RBFOX1: variants seen among roughly 807,000 people sequenced by gnomAD.
RBFOX1 encodes the protein RNA binding protein fox-1 homolog 1.
In RBFOX1, 8 loss-of-function variants were observed where a neutral mutation model predicts 57.7. The ratio of observed to expected loss-of-function variants is 0.14; its 90% CI spans 0.08 to 0.25. The LOEUF (loss-of-function observed/expected upper bound fraction) is 0.25. Ranked by LOEUF, RBFOX1 falls within the 10% of genes least tolerant of loss-of-function variation. RBFOX1 has a pLI of 1.00. For missense variants in RBFOX1, 611 were observed against 548.5 expected, an observed-to-expected ratio of 1.11 and a Z score of -1.14; for synonymous variants, 326 against 222.4, an observed-to-expected ratio of 1.47 and a Z score of -4.15.
chr16:6,115,370 G>C (rs894586224), intron 1 of RBFOX1, among the ~76,000 whole-genome samples: 2 of 151,682 alleles, frequency 1.3e-5, no homozygotes, highest in African/African-American at 4.8e-5. Context: ...TTTTTCCAGA[G>C]AAAAGGCAAA....
rs1400604214 is a variant in RBFOX1, at chr16:6,581,327, C to T, written c.-63-73276C>T. ...CGATGATCCCTGTGAAGCATGAACC[C>T]AGCACCCTTGCCTTCCTCTTTGTTG... On this transcript the variant is annotated intron_variant, in intron 2 of 15. Transcript: ENST00000550418. Among the ~76,000 whole-genome samples, 4 of 152,316 alleles carry T rather than the reference C, an allele frequency of 2.6e-5. No individual in the cohort carries two copies. The East Asian group carries it at 7.7e-4, about 30-fold the overall frequency.
At chr16:7,164,894 G>A (rs1420312896) in intron 4 of RBFOX1, among the ~76,000 whole-genome samples, 1 of 152,172 alleles carries the variant, frequency 6.6e-6, no homozygotes, top group South Asian at 2.1e-4. Context: ...ATAAGAGAAT[G>A]AATTGTTTGC....
intron 2 of RBFOX1, among the ~76,000 whole-genome samples, chr16:6,535,027 G>C (rs1458394236): frequency 6.6e-6 from 1 of 152,162 alleles, no homozygotes; most frequent in Non-Finnish European, 1.5e-5. Context: ...TCATGACACA[G>C]GTCTGCTACA....
chr16:6,986,279 C>T (rs1432468385), intron 3 of RBFOX1, among the ~76,000 whole-genome samples: 1 of 151,978 alleles, frequency 6.6e-6, no homozygotes, highest in Non-Finnish European at 1.5e-5. Context: ...TGGCTCACTG[C>T]AACCTGTGCC....
rs918026044 is a variant in RBFOX1 at position 5,274,669 on chromosome 16, C to T, written c.219+34564C>T. 2.0e-5 allele frequency among the ~76,000 whole-genome samples: 3 copies of T among 152,210 alleles called. No homozygotes were observed. In the East Asian group the frequency reaches 5.8e-4, roughly 29 times the overall value. On this transcript the variant is annotated intron_variant, in intron 1 of 2. Coordinates refer to the RBFOX1 transcript ENST00000585867. The stretch of plus-strand genomic sequence containing the variant: ...GACTGAGGAAATGCTGACTGTATTT[C>T]TGCCATGTTCACTTATTAGTGGATG...
At chr16:5,710,377 T>G (rs1453599520) in intron 3 of RBFOX1, among the ~76,000 whole-genome samples, 1 of 152,192 alleles carries the variant, frequency 6.6e-6, no homozygotes, top group Non-Finnish European at 1.5e-5. Flanking sequence ...GCTAGTGCCA[T>G]TGACATGGGT....
intron 1 of RBFOX1, among the ~76,000 whole-genome samples, chr16:6,177,360 C>G (rs1461108579): frequency 1.3e-5 from 2 of 151,972 alleles, no homozygotes; most frequent in Non-Finnish European, 2.9e-5. Context: ...AATAATGTAT[C>G]AGTTTACTTA....
At chr16:5,823,254 T>C (rs759157700) in intron 3 of RBFOX1, among the ~76,000 whole-genome samples, 2 of 152,160 alleles carry the variant, frequency 1.3e-5, no homozygotes, top group African/African-American at 2.4e-5. Flanking sequence ...TACACATAGT[T>C]GGTACTTGAT....
At chr16:6,594,944 A>G (rs1031869384) in intron 2 of RBFOX1, among the ~76,000 whole-genome samples, 22 of 152,184 alleles carry the variant, frequency 1.4e-4, no homozygotes, top group African/African-American at 4.6e-4. Context: ...GCGTGCCACC[A>G]CACCGGGCTA....
In RBFOX1 at chr16:7,711,217, T is replaced by A. The variant is rs2083956464; in HGVS notation, c.*472T>A. ...GGGCTTAGGGGATTGGAACTGGGGT[T>A]TGGCTGAAAGAAAAAAAAAAAAATG... is the stretch of plus-strand genomic sequence containing the variant. On this transcript the variant is annotated 3_prime_UTR_variant, in exon 16 of 16. Transcript: ENST00000550418. 7.7e-6 allele frequency: 1 copy of A among 130,462 alleles called. No individual in the cohort carries two copies. The highest frequency in any genetic ancestry group is 8.3e-5 in the Admixed American group (1 of 12,104). The allele number at this position is 130,462 out of a possible 1,614,324, so 8.1% of individuals were successfully genotyped here.
intron 1 of RBFOX1, among the ~76,000 whole-genome samples, chr16:6,163,953 A>G (rs2096897680): frequency 6.6e-6 from 1 of 152,230 alleles, no homozygotes; most frequent in African/African-American, 2.4e-5. Flanking sequence ...TATGGGATAC[A>G]TATAGTAAGG....
At chr16:6,814,764 C>T (rs916792502) in intron 3 of RBFOX1, among the ~76,000 whole-genome samples, 2 of 151,828 alleles carry the variant, frequency 1.3e-5, no homozygotes, top group Non-Finnish European at 2.9e-5. Flanking sequence ...AGAGGTGGGG[C>T]TAGAGTTGAG....
intron 3 of RBFOX1, among the ~76,000 whole-genome samples, chr16:5,800,456 C>G (rs567865093): frequency 5.9e-5 from 9 of 152,122 alleles, no homozygotes; most frequent in South Asian, 4.1e-4. Context: ...ACCCCCAGCA[C>G]GCCCTTGAGC....
chr16:6,819,514 A>C (rs1050243463), intron 3 of RBFOX1, among the ~76,000 whole-genome samples: 2 of 151,844 alleles, frequency 1.3e-5, no homozygotes, highest in Non-Finnish European at 2.9e-5. Context: ...GACCAGCCTG[A>C]CCAGCATGGA....
chr16:5,962,197 A>G (rs1461397764), intron 4 of RBFOX1, among the ~76,000 whole-genome samples: 1 of 152,220 alleles, frequency 6.6e-6, no homozygotes, highest in African/African-American at 2.4e-5. Context: ...TGGTCAAAAC[A>G]TAGTCACATT....
chr16:7,563,105 T>C (rs1223933792), intron 5 of RBFOX1, among the ~76,000 whole-genome samples: 1 of 152,160 alleles, frequency 6.6e-6, no homozygotes, highest in East Asian at 1.9e-4. Flanking sequence ...TGCCGTAAGA[T>C]GGGCACAATA....
chr16:5,852,979 C>G (rs1402810489), intron 3 of RBFOX1, among the ~76,000 whole-genome samples: 1 of 152,170 alleles, frequency 6.6e-6, no homozygotes, highest in Non-Finnish European at 1.5e-5. Flanking sequence ...TTCGTTCTCT[C>G]TGAGTGCAGA....
rs1203990430 is a variant in RBFOX1, at chr16:6,196,104, T to TGCAGTCATTCTCACTTAGTGCTTC, written c.-126-120888_-126-120887insGTCATTCTCACTTAGTGCTTCGCA. 3.3e-5 allele frequency among the ~76,000 whole-genome samples: 5 copies of TGCAGTCATTCTCACTTAGTGCTTC among 152,232 alleles called. No homozygotes were observed. The East Asian group carries it at 9.6e-4, about 29-fold the overall frequency. ...GGGCCTGGTACTGGGTCAAGTGCTT[T>TGCAGTCATTCTCACTTAGTGCTTC]GCATTCATTCTCACTTAGTGCTTCA... On this transcript the variant is annotated intron_variant, in intron 1 of 15. Transcript: ENST00000550418.
chr16:7,476,547 T>A (rs1599412899), intron 4 of RBFOX1, among the ~76,000 whole-genome samples: 1 of 152,218 alleles, frequency 6.6e-6, no homozygotes, highest in Non-Finnish European at 1.5e-5. Context: ...AAACTTGAGT[T>A]GGTTTTGTCA....
Sources: allele counts gnomAD v4.1 joint callset (sites outside exome capture counted in the v4.1 genomes callset), GRCh38; gene constraint gnomAD v4.1.1; transcripts MANE v1.5; gene names NCBI Gene and HGNC (gene_info 2026-07-23, HGNC 2026-07-21).